CHAF1A: variants seen among roughly 807,000 people sequenced by gnomAD.
CHAF1A encodes chromatin assembly factor 1 subunit A, also known as CAF-1 subunit A.
A neutral mutation model predicts 93.2 loss-of-function variants in CHAF1A; 5 were observed. That is an observed-to-expected ratio of 0.05 (90% CI 0.03 to 0.11). CHAF1A has a LOEUF of 0.11. Ranked by LOEUF, CHAF1A falls within the 10% of genes least tolerant of loss-of-function variation. The probability of loss-of-function intolerance (pLI) is 1.00; values close to 1 mark genes in which losing one functional copy is unlikely to be tolerated. For synonymous variants in CHAF1A, 504 were observed against 510.3 expected, an observed-to-expected ratio of 0.99 and a Z score of 0.17; for missense variants, 1,102 against 1,259.9, an observed-to-expected ratio of 0.87 and a Z score of 1.90.
chr19:4,429,450 C>T lies in CHAF1A; in HGVS notation c.1617C>T (p.Ile539=), dbSNP rs1469101568. 1.9e-6 allele frequency: 3 copies of T among 1,613,648 alleles called. No individual in the cohort carries two copies. The highest frequency in any genetic ancestry group is 1.1e-5 in the South Asian group (1 of 91,054). Reference sequence around the variant, plus strand: ...TTTTCCTTCTCAGTGATGTCGTCATCGTGGAGCGTGGGAAGGGCGACGGTG... The same window carrying T: ...TTTTCCTTCTCAGTGATGTCGTCATTGTGGAGCGTGGGAAGGGCGACGGTG... ...NADIFNSDVV[I]VERGKGDGVP... The change falls in exon 9 of 15, where the codon ATC becomes ATT. Residue 539 remains isoleucine (I), a synonymous_variant. Coordinates refer to ENST00000301280, the MANE Select transcript of CHAF1A (RefSeq NM_005483.3).
At chr19:4,425,468 G>T (rs1974064759) in intron 7 of CHAF1A, among the ~76,000 whole-genome samples, 1 of 152,052 alleles carries the variant, frequency 6.6e-6, no homozygotes, top group South Asian at 2.1e-4. Context: ...TGGCCAGGCT[G>T]GTCTTGAACT....
Position 4,409,263 on chromosome 19 carries a change from G to C in CHAF1A, c.464G>C (p.Gly155Ala). ...EAINGQREDT[G>A]DQQGLLKAIQ... ...ATAAATGGCCAGCGAGAAGACACTG[G>C]GGATCAGCAGGGGTTGTTGAAGGCC... Residue 155 changes from glycine (G) to alanine (A), a missense_variant, in exon 3 of 15, where the codon GGG becomes GCG. Around this residue, in one of 6 missense-constraint regions of CHAF1A, gnomAD observed 379 missense variants for 365.7 expected, o/e 1.04. Transcript: ENST00000301280. The C allele has an allele frequency of 6.2e-7, 1 of 1,614,132 alleles. No homozygotes were observed. The highest frequency in any genetic ancestry group is 8.5e-7 in the Non-Finnish European group (1 of 1,180,014).
chr19:4,418,312 T>C (rs1007721815), intron 4 of CHAF1A, among the ~76,000 whole-genome samples: 1 of 152,192 alleles, frequency 6.6e-6, no homozygotes, highest in Non-Finnish European at 1.5e-5. Context: ...TTCTAAGCTT[T>C]TATCAATAGT....
chr19:4,430,517 C>G, intron 10 of CHAF1A, 32 bp from the exon 11 acceptor site: 5 of 1,458,438 alleles, frequency 3.4e-6, no homozygotes, highest in Non-Finnish European at 3.9e-6. Context: ...GCTTTTCTAT[C>G]TGATGAACTC....
chr19:4,447,897 G>A (rs957515785), downstream of CHAF1A: 6 of 522,816 alleles, frequency 1.1e-5, no homozygotes, highest in Non-Finnish European at 2.1e-5. Flanking sequence ...ACAGCGGTGG[G>A]GAAGCCACAG....
At chr19:4,402,897 G>A in intron 1 of CHAF1A, 83 bp downstream of exon 1, 2 of 842,942 alleles carry the variant, frequency 2.4e-6, no homozygotes, top group Non-Finnish European at 3.1e-6. Flanking sequence ...AGGCGGACGG[G>A]CCTCCGGGCG....
At chr19:4,410,979 G>T (rs748445449) in intron 3 of CHAF1A, among the ~76,000 whole-genome samples, 1 of 152,074 alleles carries the variant, frequency 6.6e-6, no homozygotes, top group South Asian at 2.1e-4. Flanking sequence ...CGAGTCCCAC[G>T]GTGTTTAGTG....
downstream of CHAF1A, chr19:4,447,778 C>G: frequency 1.4e-6 from 1 of 737,106 alleles, no homozygotes; most frequent in East Asian, 2.7e-5. Flanking sequence ...CAGACCATCT[C>G]CGGGTGGAAG....
At chr19:4,415,894 C>T (rs1184812139) in intron 3 of CHAF1A, among the ~76,000 whole-genome samples, 1 of 152,162 alleles carries the variant, frequency 6.6e-6, no homozygotes, top group Non-Finnish European at 1.5e-5. Context: ...TCACTGTTGG[C>T]CGGGCGCGGT....
At chr19:4,413,037 G>A (rs1438313091) in intron 3 of CHAF1A, among the ~76,000 whole-genome samples, 2 of 152,034 alleles carry the variant, frequency 1.3e-5, no homozygotes, top group Admixed American at 6.6e-5. Context: ...TGGTTTGGTT[G>A]GTTTGCTTGC....
intron 14 of CHAF1A, 36 bp from the exon 15 acceptor site, chr19:4,442,889 C>A: frequency 6.8e-7 from 1 of 1,471,376 alleles, no homozygotes; most frequent in East Asian, 2.4e-5. Context: ...CCAGAGGGCC[C>A]AGCCAGCTCA....
In CHAF1A at chr19:4,422,872, T is replaced by C; in HGVS notation, c.1247+77T>C. 7.4e-7 allele frequency: 1 copy of C among 1,353,572 alleles called. No individual in the cohort carries two copies. The highest frequency in any genetic ancestry group is 1.0e-6 in the Non-Finnish European group (1 of 965,538). The allele number at this position is 1,353,572 out of a possible 1,614,324, so 83.8% of individuals were successfully genotyped here. A position where few individuals can be genotyped will look rare whatever the true frequency, so the allele number is the denominator to read the frequency against. On this transcript the variant is annotated intron_variant, in intron 5 of 14. Transcript: ENST00000301280. The surrounding 1 kb of genome is among the most constrained non-coding windows in gnomAD (Gnocchi z 4.6). ...GCTCCTGGCCACTCTGATGGGGCCT[T>C]TCCACTTCACAGGCAGATGGCGGCT...
chr19:4,407,103 C>T (rs567640882), intron 2 of CHAF1A, among the ~76,000 whole-genome samples: 13 of 152,022 alleles, frequency 8.6e-5, no homozygotes, highest in Admixed American at 3.9e-4. Flanking sequence ...CCTGTAGTCC[C>T]AGCTACTCAG....
intron 7 of CHAF1A, among the ~76,000 whole-genome samples, chr19:4,425,062 C>T (rs1281870971): frequency 6.6e-6 from 1 of 152,002 alleles, no homozygotes; most frequent in Non-Finnish European, 1.5e-5. Flanking sequence ...GGTGTGAGTC[C>T]CTGCACCTGG....
chr19:4,450,758 C>CAAAAAAAAAAAA, the CHAF1A span: 2 of 43,800 alleles, frequency 4.6e-5, no homozygotes, highest in African/African-American at 9.5e-5. Flanking sequence ...GACTCTGTCT[C>CAAAAAAAAAAAA]AAAAAAAAAA....
Position 4,430,624 on chromosome 19 carries a change from G to A in CHAF1A, c.1930G>A (p.Asp644Asn), listed in dbSNP as rs1171555189. The A allele has an allele frequency of 1.2e-6, 2 of 1,613,860 alleles. No homozygotes were observed. The highest frequency in any genetic ancestry group is 2.2e-5 in the South Asian group (2 of 91,076). Residue 644 changes from aspartate to asparagine, a missense_variant, in exon 11 of 15, where the codon GAC becomes AAC. Around this residue, in one of 6 missense-constraint regions of CHAF1A, gnomAD observed 335 missense variants for 361.9 expected, o/e 0.93. Coordinates refer to ENST00000301280, the MANE Select transcript of CHAF1A (RefSeq NM_005483.3). ...FFVPHGYLSE[D>N]EGVTEECADP... is the part of the protein sequence containing the mutation. ...TGTGCCCCATGGGTACCTGTCTGAG[G>A]ACGAAGGTGTGACAGAGGTGAGGGA...
chr19:4,445,258 A>G (rs2145164581), downstream of CHAF1A: 1 of 540,806 alleles, frequency 1.8e-6, no homozygotes, highest in Non-Finnish European at 3.2e-6. Flanking sequence ...GGGAGGGCTT[A>G]GATTTGTTGG....
intron 11 of CHAF1A, 42 bp from the exon 12 acceptor site, chr19:4,431,910 G>A: frequency 2.6e-6 from 4 of 1,563,946 alleles, no homozygotes; most frequent in Non-Finnish European, 2.6e-6. Context: ...GGGCATAGGG[G>A]AGCAAGAACC....
chr19:4,448,477 GC>G, downstream of CHAF1A: 1 of 1,379,154 alleles, frequency 7.3e-7, no homozygotes, highest in Non-Finnish European at 1.0e-6. Context: ...GCCCTCCGCT[GC>G]CCAGGTAACA....
Sources: gnomAD v4.1 joint callset for allele counts (sites outside exome capture counted in the v4.1 genomes callset) on GRCh38, gnomAD v4.1.1 for gene constraint, gnomAD v4.1.1 regional missense constraint, Gnocchi (gnomAD v3.1) non-coding constraint, MANE v1.5 for transcripts, NCBI Gene and HGNC (gene_info 2026-07-23, HGNC 2026-07-21) for gene names.